EIF5A: variants seen among roughly 807,000 people sequenced by gnomAD.
EIF5A encodes eukaryotic translation initiation factor 5A, also known as eukaryotic translation initiation factor 5A-1.
In EIF5A, 1 loss-of-function variant was observed where a neutral mutation model predicts 16.6. That is an observed-to-expected ratio of 0.06 (90% CI 0.02 to 0.28). EIF5A has a LOEUF of 0.28. Among genes scored for constraint, EIF5A ranks in the 10% least tolerant of loss-of-function variants. The probability of loss-of-function intolerance (pLI) is 1.00; values close to 1 mark genes in which losing one functional copy is unlikely to be tolerated. For missense variants in EIF5A, 29 were observed against 196.1 expected (o/e 0.15, Z 5.09); for synonymous variants, 80 against 73.6 (o/e 1.09, Z -0.44).
chr17:7,311,725 T>C (rs1241530739), intron 5 of EIF5A, 74 bp downstream of exon 5: 4 of 1,584,352 alleles, frequency 2.5e-6, no homozygotes, highest in African/African-American at 1.3e-5. Flanking sequence ...GTCTTAATTG[T>C]TTCAGGCTTA....
rs879641432 is a variant in EIF5A at position 7,312,383 on chromosome 17, C to A, written c.*573C>A. 1.3e-4 allele frequency: 30 copies of A among 229,832 alleles called. No homozygotes were observed. Among genetic ancestry groups the A allele is most frequent in the Non-Finnish European group, 2.6e-4 (27 of 105,060 alleles). The allele number at this position is 229,832 out of a possible 1,614,324, so 14.2% of individuals were successfully genotyped here. ...AGGGCCCTGCCCCCATGGGCTTTACCCTTCCCTGCGGGCTCTCTCCCCGAC... is the reference window on the plus strand; with the variant it reads ...AGGGCCCTGCCCCCATGGGCTTTACACTTCCCTGCGGGCTCTCTCCCCGAC... On this transcript the variant is annotated 3_prime_UTR_variant, in exon 6 of 6. Coordinates refer to ENST00000336458, the MANE Select transcript of EIF5A (RefSeq NM_001970.5).
chr17:7,307,541 C>CG (rs1227068786), upstream of EIF5A: 5 of 973,366 alleles, frequency 5.1e-6, no homozygotes, highest in Middle Eastern at 5.0e-4. Flanking sequence ...TTGCGCAGTG[C>CG]GGGGGTGGAG....
intron 1 of EIF5A, chr17:7,308,268 G>T: frequency 2.8e-6 from 3 of 1,059,958 alleles, no homozygotes; most frequent in Non-Finnish European, 3.5e-6. Context: ...TGCCCTCGGG[G>T]TCGCAGGCCG....
At chr17:7,310,415 TAG>T (rs1337075465) in intron 2 of EIF5A, 3 of 1,182,808 alleles carry the variant, frequency 2.5e-6, no homozygotes, top group African/African-American at 3.2e-5. Flanking sequence ...CCTGTCTCTT[TAG>T]AATTTCAACC....
At chr17:7,308,680 C>A (rs1018350356) in intron 1 of EIF5A, 1 of 1,030,094 alleles carries the variant, frequency 9.7e-7, no homozygotes, top group Non-Finnish European at 1.3e-6. Flanking sequence ...CGCCTAAAAG[C>A]CTCAGGCAGA....
At chr17:7,308,322 C>T in intron 1 of EIF5A, 2 of 1,161,448 alleles carry the variant, frequency 1.7e-6, no homozygotes, top group South Asian at 3.2e-5. Context: ...CGCGGGGACC[C>T]CTCCCCCCAG....
rs1567610393 is a variant in EIF5A, at chr17:7,308,171, G to C, written c.-22+419G>C. On this transcript the variant is annotated intron_variant, in intron 1 of 5. Coordinates refer to ENST00000336458, the MANE Select transcript of EIF5A (RefSeq NM_001970.5). ...GATGGGGGGGGTTGGCGGACGGCCG[G>C]GGGGAGGGGAGGCGGCGTGGCTCCG... The C allele has an allele frequency of 1.9e-5, 19 of 978,952 alleles. 1 individual carries two copies. In the South Asian group the frequency reaches 5.5e-4, roughly 28 times the overall value. 60.6% of individuals were successfully genotyped at this position (978,952 alleles called of 1,614,324 possible).
chr17:7,307,694 G>C lies in EIF5A; in HGVS notation c.-80G>C. On this transcript the variant is annotated 5_prime_UTR_variant, in exon 1 of 6. Transcript: ENST00000336458. ...CGGCGGCGGCGGCGGCAGCGGGCTC[G>C]GAGGCAGCGGTTGGGCTCGCGGCGA... 1 of 1,050,800 alleles carries C rather than the reference G, an allele frequency of 9.5e-7. No individual in the cohort carries two copies. The highest frequency in any genetic ancestry group is 1.1e-6 in the Non-Finnish European group (1 of 872,814). The allele number at this position is 1,050,800 out of a possible 1,614,324, so 65.1% of individuals were successfully genotyped here.
chr17:7,310,356 A>T, intron 2 of EIF5A: 1 of 1,223,266 alleles, frequency 8.2e-7, no homozygotes, highest in Non-Finnish European at 1.0e-6. Context: ...CCATGCTTTC[A>T]TGGGTTTTAA....
chr17:7,308,553 T>G (rs2143008278), intron 1 of EIF5A: 1 of 1,351,594 alleles, frequency 7.4e-7, no homozygotes, highest in Non-Finnish European at 9.8e-7. Context: ...AACCCTCCTG[T>G]GAAGTGTGGC....
At chr17:7,308,343 C>T (rs2072696684) in intron 1 of EIF5A, 4 of 1,175,202 alleles carry the variant, frequency 3.4e-6, no homozygotes, top group Non-Finnish European at 4.3e-6. Flanking sequence ...GTCCCGGCCA[C>T]CGGAAGCCCG....
At position 7,311,866 on chromosome 17, in the gene EIF5A, C is replaced by G; in HGVS notation, c.*56C>G. 1 of 673,414 alleles carries G rather than the reference C, an allele frequency of 1.5e-6. No homozygotes were observed. The highest frequency in any genetic ancestry group is 2.6e-6 in the Non-Finnish European group (1 of 389,412). The allele number at this position is 673,414 out of a possible 1,614,324, so 41.7% of individuals were successfully genotyped here. On this transcript the variant is annotated 3_prime_UTR_variant, in exon 6 of 6. Transcript: ENST00000336458. ...GTGATCCTCTGAACCTGCAGAGGCC[C>G]CCTCCCCGAGCCTGGCCTGGCTCTG...
chr17:7,308,582 GGCACCCCTTCGA>G (rs1567610897), intron 1 of EIF5A: 1 of 1,349,768 alleles, frequency 7.4e-7, no homozygotes, highest in Non-Finnish European at 9.8e-7. Flanking sequence ...AGGTGTAAGT[GGCACCCCTTCGA>G]GCTGGGAGGC....
intron 1 of EIF5A, chr17:7,308,644 A>T: frequency 1.5e-6 from 2 of 1,309,126 alleles, no homozygotes; most frequent in Non-Finnish European, 2.0e-6. Context: ...CAGGAGCCCA[A>T]CTTTTCTGTC....
At chr17:7,310,035 T>C (rs2072768356) in intron 2 of EIF5A, 2 of 1,496,710 alleles carry the variant, frequency 1.3e-6, no homozygotes, top group Non-Finnish European at 1.8e-6. Flanking sequence ...GTCCCTCCGT[T>C]TCTCCAGCTT....
upstream of EIF5A, chr17:7,307,103 T>C: frequency 1.2e-6 from 2 of 1,600,288 alleles, no homozygotes; most frequent in Non-Finnish European, 1.7e-6. Context: ...ACAGAGCAAG[T>C]TTTCTGAAAC....
At chr17:7,307,621 C>G, upstream of EIF5A, 1 of 1,025,210 alleles carries the variant, frequency 9.8e-7, no homozygotes, top group Non-Finnish European at 1.2e-6. Context: ...GGGGAGTCGG[C>G]GCCTGCGTAC....
chr17:7,307,491 T>C (rs1385875318), upstream of EIF5A: 2 of 1,008,846 alleles, frequency 2.0e-6, no homozygotes, highest in Non-Finnish European at 2.4e-6. Flanking sequence ...ATTGGACGGG[T>C]CGGTGGGAGG....
intron 2 of EIF5A, chr17:7,310,769 C>T (rs374116830): frequency 1.0e-6 from 1 of 985,316 alleles, no homozygotes; most frequent in Non-Finnish European, 1.2e-6. Flanking sequence ...AGGTAACTGT[C>T]TTCTCCAAGC....
Sources: gnomAD v4.1 joint callset for allele counts on GRCh38, gnomAD v4.1.1 for gene constraint, MANE v1.5 for transcripts, NCBI Gene and HGNC (gene_info 2026-07-23, HGNC 2026-07-21) for gene names.